The following PCSK6 variants were observed in gnomAD, a reference collection of about 807,000 sequenced individuals.
PCSK6 encodes the protein proprotein convertase subtilisin/kexin type 6.
In PCSK6, 85 loss-of-function variants were observed where a neutral mutation model predicts 123.3. The ratio of observed to expected loss-of-function variants is 0.69; its 90% CI spans 0.58 to 0.83. PCSK6 has a LOEUF of 0.83. Ranked by LOEUF, PCSK6 falls within the 40% of genes least tolerant of loss-of-function variation. The probability of loss-of-function intolerance (pLI) is 0.00; values close to 1 mark genes in which losing one functional copy is unlikely to be tolerated. For missense variants in PCSK6, 1,191 were observed against 1,282.3 expected (o/e 0.93, Z 1.09); for synonymous variants, 508 against 516.0 (o/e 0.98, Z 0.21).
chr15:101,338,974 A>G (rs2040542974), intron 13 of PCSK6, among the ~76,000 whole-genome samples: 1 of 152,274 alleles, frequency 6.6e-6, no homozygotes, highest in Admixed American at 6.5e-5. Context: ...AATTAAATTC[A>G]TAATGAACAA....
intron 13 of PCSK6, among the ~76,000 whole-genome samples, chr15:101,335,731 C>G (rs1271182111): frequency 2.0e-5 from 3 of 152,178 alleles, no homozygotes; most frequent in Non-Finnish European, 4.4e-5. Flanking sequence ...TGTTTATAAA[C>G]TTTGGCAATT....
At chr15:101,444,738 T>G (rs55810344) in intron 1 of PCSK6, among the ~76,000 whole-genome samples, 9,224 of 152,176 alleles carry the variant, frequency 0.061, 374 homozygotes, top group African/African-American at 0.1. Context: ...AAAAGTTAAG[T>G]AGGACTAAAG....
At chr15:101,435,934 C>G (rs1350799163) in intron 2 of PCSK6, among the ~76,000 whole-genome samples, 1 of 152,236 alleles carries the variant, frequency 6.6e-6, no homozygotes, top group Non-Finnish European at 1.5e-5. Context: ...CAGCGAGCAG[C>G]CATGGGCAGC....
intron 1 of PCSK6, among the ~76,000 whole-genome samples, chr15:101,483,231 G>A (rs1231475891): frequency 6.6e-6 from 1 of 152,184 alleles, no homozygotes; most frequent in Non-Finnish European, 1.5e-5. Flanking sequence ...CGCTGTGGCT[G>A]GAACAAGTTC....
chr15:101,478,056 A>G (rs950510583), intron 1 of PCSK6, among the ~76,000 whole-genome samples: 2 of 151,962 alleles, frequency 1.3e-5, no homozygotes, highest in African/African-American at 4.8e-5. Context: ...AGAAAGCCCC[A>G]AGCCAAGCTC....
intron 17 of PCSK6, 115 bp downstream of exon 17, chr15:101,324,735 G>T (rs954253774): frequency 2.2e-6 from 2 of 899,516 alleles, no homozygotes; most frequent in African/African-American, 3.3e-5. Flanking sequence ...TCCTTACTCA[G>T]AACAACAAAA....
intron 6 of PCSK6, among the ~76,000 whole-genome samples, chr15:101,410,331 G>C (rs2042909621): frequency 6.6e-6 from 1 of 152,218 alleles, no homozygotes. Context: ...AGGCAGCCAA[G>C]TCTGGAGCCC....
chr15:101,457,954 T>C (rs752560874), intron 1 of PCSK6, among the ~76,000 whole-genome samples: 1 of 152,228 alleles, frequency 6.6e-6, no homozygotes, highest in South Asian at 2.1e-4. Context: ...TTCCATCTGA[T>C]GTTTGCTTAC....
chr15:101,464,685 G>T (rs1414349720), intron 1 of PCSK6, among the ~76,000 whole-genome samples: 6 of 152,148 alleles, frequency 3.9e-5, no homozygotes, highest in African/African-American at 1.4e-4. Context: ...GGAGGCTGGA[G>T]GGATCTACTG....
At chr15:101,343,214 C>A (rs576492305) in intron 13 of PCSK6, among the ~76,000 whole-genome samples, 1 of 145,132 alleles carries the variant, frequency 6.9e-6, no homozygotes, top group Non-Finnish European at 1.5e-5. Context: ...TATAATCATG[C>A]GTTTTTCTTT....
intron 19 of PCSK6, among the ~76,000 whole-genome samples, chr15:101,314,487 T>C (rs980476208): frequency 1.3e-5 from 2 of 152,174 alleles, no homozygotes; most frequent in African/African-American, 2.4e-5. Context: ...TTCAGTTCGA[T>C]TGTGGTCGCA....
At chr15:101,351,017 T>G (rs2141410403) in intron 13 of PCSK6, among the ~76,000 whole-genome samples, 1 of 152,332 alleles carries the variant, frequency 6.6e-6, no homozygotes, top group Non-Finnish European at 1.5e-5. Context: ...AATTGCCCCT[T>G]CCTCATGATC....
chr15:101,321,880 A>G (rs1199262543), intron 18 of PCSK6, among the ~76,000 whole-genome samples: 1 of 152,264 alleles, frequency 6.6e-6, no homozygotes, highest in African/African-American at 2.4e-5. Flanking sequence ...TTTTGAACAG[A>G]ATGTTCTAAG....
chr15:101,350,386 T>A (rs535196292), intron 13 of PCSK6, among the ~76,000 whole-genome samples: 1 of 152,320 alleles, frequency 6.6e-6, no homozygotes, highest in South Asian at 2.1e-4. Flanking sequence ...TATAGCACTC[T>A]GTGATTATCT....
intron 16 of PCSK6, 116 bp from the exon 17 acceptor site, chr15:101,325,162 G>T: frequency 1.4e-6 from 1 of 703,496 alleles, no homozygotes. Context: ...CAAACATGAT[G>T]CCCTTTGTCT....
At chr15:101,435,850 C>T (rs1290975618) in intron 2 of PCSK6, among the ~76,000 whole-genome samples, 2 of 152,150 alleles carry the variant, frequency 1.3e-5, no homozygotes, top group African/African-American at 4.8e-5. Context: ...GCCCTGCCCG[C>T]GTTCCAGTAA....
intron 1 of PCSK6, among the ~76,000 whole-genome samples, chr15:101,464,639 T>C (rs1210002791): frequency 9.9e-5 from 15 of 152,122 alleles, no homozygotes; most frequent in Admixed American, 9.2e-4. Context: ...GTCCCAAATG[T>C]AGCTGCTGCT....
intron 2 of PCSK6, among the ~76,000 whole-genome samples, chr15:101,437,991 G>A (rs1455081869): frequency 6.6e-6 from 1 of 152,160 alleles, no homozygotes; most frequent in African/African-American, 2.4e-5. Flanking sequence ...TCTGGCCAGT[G>A]TCCCATGAGA....
chr15:101,467,300 T>C (rs2057487078), intron 1 of PCSK6, among the ~76,000 whole-genome samples: 1 of 148,288 alleles, frequency 6.7e-6, no homozygotes, highest in South Asian at 2.1e-4. Context: ...CAAGACAGAG[T>C]CTCGCTCTGT....
Sources: gnomAD v4.1 joint callset for allele counts (sites outside exome capture counted in the v4.1 genomes callset) on GRCh38, gnomAD v4.1.1 for gene constraint, MANE v1.5 for transcripts, NCBI Gene and HGNC (gene_info 2026-07-23, HGNC 2026-07-21) for gene names.